The following KIAA2012 variants were observed in gnomAD, a reference collection of about 807,000 sequenced individuals.
KIAA2012 encodes the protein KIAA2012.
In KIAA2012, 125 loss-of-function variants were observed where a neutral mutation model predicts 150.6. The ratio of observed to expected loss-of-function variants is 0.83; its 90% CI spans 0.72 to 0.96. The LOEUF is 0.96. Among genes scored for constraint, KIAA2012 ranks in the 40% least tolerant of loss-of-function variants. The pLI is 0.00. For missense variants in KIAA2012, 1,219 were observed against 1,354.9 expected, an observed-to-expected ratio of 0.90 and a Z score of 1.57; for synonymous variants, 462 against 504.7, an observed-to-expected ratio of 0.92 and a Z score of 1.13.
intron 13 of KIAA2012, among the ~76,000 whole-genome samples, chr2:202,153,399 A>G (rs941878966): frequency 2.6e-5 from 4 of 152,166 alleles, no homozygotes; most frequent in African/African-American, 9.7e-5. Flanking sequence ...GGGGAGAGGG[A>G]AGGACACTTA....
intron 7 of KIAA2012, among the ~76,000 whole-genome samples, chr2:202,102,127 A>G (rs568554182): frequency 1.3e-5 from 2 of 152,252 alleles, no homozygotes; most frequent in South Asian, 2.1e-4. Flanking sequence ...GAATAATTAG[A>G]AACAGGAGGC....
chr2:202,153,669 A>G (rs1487495816), intron 13 of KIAA2012, among the ~76,000 whole-genome samples: 1 of 152,082 alleles, frequency 6.6e-6, no homozygotes, highest in African/African-American at 2.4e-5. Context: ...CCACCTTCAG[A>G]TGTACTTATG....
intron 1 of KIAA2012, 80 bp downstream of exon 1, chr2:202,073,791 T>C: frequency 7.9e-7 from 1 of 1,267,740 alleles, no homozygotes; most frequent in East Asian, 2.5e-5. Context: ...AGGTAAACCA[T>C]GTGTGTCTTG....
intron 12 of KIAA2012, among the ~76,000 whole-genome samples, chr2:202,131,250 C>A (rs1353384695): frequency 6.6e-6 from 1 of 152,194 alleles, no homozygotes; most frequent in Non-Finnish European, 1.5e-5. Context: ...AGCCATTCTC[C>A]TGCCTCAGCC....
chr2:202,111,101 C>A (rs185862191), intron 10 of KIAA2012, among the ~76,000 whole-genome samples: 1 of 152,102 alleles, frequency 6.6e-6, no homozygotes, highest in African/African-American at 2.4e-5. Flanking sequence ...TATGTCCCCA[C>A]CTGGGGCCTT....
intron 2 of KIAA2012, among the ~76,000 whole-genome samples, chr2:202,080,436 G>C (rs562599194): frequency 4.7e-4 from 71 of 152,272 alleles, no homozygotes; most frequent in African/African-American, 1.6e-3. Context: ...GCACACGCCT[G>C]TAATACCAAC....
rs1348323762 is a variant in KIAA2012 at position 202,194,211 on chromosome 2, A to G, written c.3036A>G (p.Gln1012=). 1.9e-6 allele frequency: 3 copies of G among 1,549,304 alleles called. No individual in the cohort carries two copies. Among genetic ancestry groups the G allele is most frequent in the East Asian group, 4.9e-5 (2 of 40,934 alleles). ...TCAGCTTGAGGAAACAGAGACTCCA[A>G]GAAGAACAGCAGCGGCAGGAGGAGG... ...EEIRLRKQRL[Q]EEQQRQEEEE... Residue 1012 remains glutamine, a synonymous_variant, in exon 21 of 24, where the codon CAA becomes CAG. Transcript: ENST00000498697.
At chr2:202,154,893 A>G (rs1347928597) in intron 14 of KIAA2012, 83 bp downstream of exon 14, 30 of 1,417,208 alleles carry the variant, frequency 2.1e-5, no homozygotes, top group Non-Finnish European at 2.6e-5. Flanking sequence ...TGGTACAAAA[A>G]CAGCTTCAGA....
intron 15 of KIAA2012, among the ~76,000 whole-genome samples, chr2:202,181,498 C>G (rs2105738525): frequency 6.6e-6 from 1 of 152,088 alleles, no homozygotes; most frequent in African/African-American, 2.4e-5. Context: ...TGGGAGGTCC[C>G]TTGAGCCCGG....
chr2:202,124,846 G>A (rs1482260295), intron 11 of KIAA2012, among the ~76,000 whole-genome samples: 2 of 152,224 alleles, frequency 1.3e-5, no homozygotes, highest in Non-Finnish European at 2.9e-5. Context: ...GAGGTGGGCA[G>A]ATCACTTGAG....
chr2:202,155,464 G>A (rs1353939745), intron 14 of KIAA2012, among the ~76,000 whole-genome samples: 1 of 152,076 alleles, frequency 6.6e-6, no homozygotes, highest in African/African-American at 2.4e-5. Context: ...CTCTGGTTTA[G>A]GGCCCCTTTC....
At chr2:202,166,545 C>G (rs1485240008) in intron 15 of KIAA2012, among the ~76,000 whole-genome samples, 1 of 151,926 alleles carries the variant, frequency 6.6e-6, no homozygotes, top group East Asian at 1.9e-4. Context: ...CCCATCACTC[C>G]AGAGGCTGAG....
chr2:202,188,354 C>T (rs899769713), intron 18 of KIAA2012, 88 bp downstream of exon 18: 19 of 1,013,718 alleles, frequency 1.9e-5, no homozygotes, highest in Admixed American at 5.4e-5. Flanking sequence ...TGGATCCTAC[C>T]GGACAAACTC....
At chr2:202,164,858 T>G (rs1273669387) in intron 14 of KIAA2012, among the ~76,000 whole-genome samples, 1 of 152,134 alleles carries the variant, frequency 6.6e-6, no homozygotes, top group Non-Finnish European at 1.5e-5. Flanking sequence ...ATGAATGGGA[T>G]AAGACCCCAT....
intron 18 of KIAA2012, among the ~76,000 whole-genome samples, chr2:202,189,415 C>T (rs1692287709): frequency 1.3e-5 from 2 of 151,874 alleles, no homozygotes; most frequent in Admixed American, 6.6e-5. Flanking sequence ...CCTCAGCCTC[C>T]CGAGTACCTG....
intron 12 of KIAA2012, among the ~76,000 whole-genome samples, chr2:202,134,398 C>G (rs1031318128): frequency 6.6e-6 from 1 of 152,158 alleles, no homozygotes; most frequent in Non-Finnish European, 1.5e-5. Context: ...CAAACCCTGA[C>G]ATGTATCTAG....
intron 15 of KIAA2012, among the ~76,000 whole-genome samples, chr2:202,183,992 C>T (rs1424406601): frequency 6.6e-6 from 1 of 152,052 alleles, no homozygotes; most frequent in African/African-American, 2.4e-5. Context: ...TTCCATATTG[C>T]TTATTTATCT....
At chr2:202,073,822 G>C (rs1689260955) in intron 1 of KIAA2012, 111 bp downstream of exon 1, 1 of 857,502 alleles carries the variant, frequency 1.2e-6, no homozygotes, top group Admixed American at 2.6e-5. Flanking sequence ...TTAGTGAGGT[G>C]GCGGGGTCAC....
At chr2:202,171,392 G>T (rs574066766) in intron 15 of KIAA2012, among the ~76,000 whole-genome samples, 1 of 152,076 alleles carries the variant, frequency 6.6e-6, no homozygotes, top group African/African-American at 2.4e-5. Context: ...AGCTTCTCTC[G>T]GGGCCTGCCG....
Sources: gnomAD v4.1 joint callset for allele counts (sites outside exome capture counted in the v4.1 genomes callset) on GRCh38, gnomAD v4.1.1 for gene constraint, MANE v1.5 for transcripts, NCBI Gene and HGNC (gene_info 2026-07-23, HGNC 2026-07-21) for gene names.